Variants in DYSF observed in about 807,000 individuals in gnomAD.
DYSF encodes the protein dystrophy-associated fer-1-like 1.
A neutral mutation model predicts 274.9 loss-of-function variants in DYSF; 212 were observed. The ratio of observed to expected loss-of-function variants is 0.77; its 90% CI spans 0.69 to 0.86. The LOEUF is 0.86. Among genes scored for constraint, DYSF ranks in the 40% least tolerant of loss-of-function variants. DYSF has a pLI of 0.00. For synonymous variants in DYSF, 1,091 were observed against 1,078.7 expected, an observed-to-expected ratio of 1.01 and a Z score of -0.22; for missense variants, 2,666 against 2,783.2, an observed-to-expected ratio of 0.96 and a Z score of 0.95.
rs556134001 is a variant in DYSF, at chr2:71,600,705, G to A, written c.3760G>A (p.Ala1254Thr). 5.0e-6 allele frequency: 8 copies of A among 1,614,092 alleles called. No homozygotes were observed. In the African/African-American group the frequency reaches 6.7e-5, roughly 13 times the overall value. The change falls in exon 34 of 56, where the codon GCA (alanine) becomes ACA (threonine). Residue 1254 changes from alanine (A) to threonine (T), a missense_variant. Physicochemically the swap from Ala to Thr is moderately conservative, Grantham distance 58. Coordinates refer to ENST00000410020, the MANE Select transcript of DYSF (RefSeq NM_001130987.2). ...TGTCTCTCTACGCTTGGTCTAGGGT[G>A]CAGACGAGTTTATGGGTCGCTGCAT... ...VELYDHDTYGADEFMGRCICQ... is the reference protein window; with the variant it reads ...VELYDHDTYGTDEFMGRCICQ...
chr2:71,513,452 G>C, intron 6 of DYSF, 120 bp downstream of exon 6: 3 of 1,098,262 alleles, frequency 2.7e-6, no homozygotes, highest in Non-Finnish European at 4.0e-6. Context: ...GCAGGACTTG[G>C]CGGGTGGGAG....
chr2:71,598,629 A>C lies in DYSF; in HGVS notation c.3640A>C (p.Asn1214His). The change falls in exon 33 of 56, where the codon AAC becomes CAC. Residue 1214 changes from asparagine to histidine, a missense_variant. Coordinates refer to ENST00000410020, the MANE Select transcript of DYSF (RefSeq NM_001130987.2). ...GACGGTGGTGGTGAAGAACACCCTT[A>C]ACCCCACCTGGGACCAGACGCTCAT... The part of the protein sequence containing the change: ...QKTVVVKNTL[N>H]PTWDQTLIFY... 1 of 1,614,144 alleles carries C rather than the reference A, an allele frequency of 6.2e-7. No individual in the cohort carries two copies.
chr2:71,529,653 T>C (rs992489301), intron 14 of DYSF, among the ~76,000 whole-genome samples: 2 of 152,226 alleles, frequency 1.3e-5, no homozygotes, highest in African/African-American at 4.8e-5. Flanking sequence ...CTTCCCACTT[T>C]GTAATTAGCA....
rs907432340 is a variant in DYSF at position 71,516,064 on chromosome 2, A to AT, written c.889-112dup. 7.3e-6 allele frequency: 8 copies of AT among 1,099,320 alleles called. No homozygotes were observed. In the African/African-American group the frequency reaches 1.2e-4, roughly 17 times the overall value. 68.1% of individuals were successfully genotyped at this position (1,099,320 alleles called of 1,614,324 possible). ...ATCCCCAGAACTGTGCCCAATCCAC[A>AT]TTTTCTGAGGGGACTAAACTGCTAG... On this transcript the variant is annotated intron_variant, in intron 8 of 55. Transcript: ENST00000410020.
At chr2:71,585,526 A>G (rs1210390032) in intron 30 of DYSF, among the ~76,000 whole-genome samples, 3 of 152,180 alleles carry the variant, frequency 2.0e-5, no homozygotes, top group Non-Finnish European at 4.4e-5. Flanking sequence ...TTGCTTTGAG[A>G]GAAATTCCCC....
Position 71,611,542 on chromosome 2 carries a change from T to C in DYSF, c.4137T>C (p.Cys1379=). 1 of 1,613,688 alleles carries C rather than the reference T, an allele frequency of 6.2e-7. No individual in the cohort carries two copies. The highest frequency in any genetic ancestry group is 8.5e-7 in the Non-Finnish European group (1 of 1,179,902). The part of the protein sequence containing the change: ...NISSPSLVVE[C]GGQTVQSCVI... ...CCTCCCCCAGCCTCGTGGTAGAGTG[T>C]GGGGGCCAGACGGTGCAGTCCTGTG... Residue 1379 remains cysteine, a synonymous_variant, in exon 38 of 56, where the codon TGT becomes TGC. Coordinates refer to ENST00000410020, the MANE Select transcript of DYSF (RefSeq NM_001130987.2).
intron 45 of DYSF, among the ~76,000 whole-genome samples, chr2:71,663,283 G>T (rs950230930): frequency 3.9e-5 from 6 of 152,188 alleles, no homozygotes; most frequent in Non-Finnish European, 8.8e-5. Context: ...AGAGCCCCCC[G>T]TGAGCCCTCC....
At chr2:71,531,209 C>A (rs1198051094) in intron 14 of DYSF, among the ~76,000 whole-genome samples, 1 of 152,102 alleles carries the variant, frequency 6.6e-6, no homozygotes, top group Non-Finnish European at 1.5e-5. Flanking sequence ...GAGAGAATTA[C>A]TGATAACATT....
intron 32 of DYSF, among the ~76,000 whole-genome samples, chr2:71,597,749 A>G (rs1044864662): frequency 1.3e-5 from 2 of 152,150 alleles, no homozygotes; most frequent in Non-Finnish European, 2.9e-5. Flanking sequence ...GGTAGCAGGG[A>G]GCTGCAGGGG....
chr2:71,621,804 T>C (rs929382092), intron 41 of DYSF, among the ~76,000 whole-genome samples: 7 of 151,912 alleles, frequency 4.6e-5, no homozygotes, highest in African/African-American at 1.7e-4. Context: ...GGACTACAGG[T>C]GCGCAACACC....
In DYSF at chr2:71,630,843, T is replaced by C. The variant is rs180689222; in HGVS notation, c.4527+10234T>C. On this transcript the variant is annotated intron_variant, in intron 41 of 55. Transcript: ENST00000410020. ...TGTCAGTGTTTACTCCTTACTCCTG[T>C]TTGCCTGTTCTTCAGGCCTGATTAG... Among the ~76,000 whole-genome samples, 322 of 152,382 alleles carry C rather than the reference T, an allele frequency of 2.1e-3. 2 individuals carry two copies. The highest frequency in any genetic ancestry group is 3.5e-3 in the Non-Finnish European group (235 of 68,040).
intron 42 of DYSF, among the ~76,000 whole-genome samples, chr2:71,651,756 A>G (rs2152931910): frequency 6.6e-6 from 1 of 152,330 alleles, no homozygotes; most frequent in East Asian, 1.9e-4. Flanking sequence ...AAAATCTTAG[A>G]GAAATAATAG....
At position 71,667,543 on chromosome 2, in the gene DYSF, G is replaced by A. The variant is rs200381854; in HGVS notation, c.5457+28G>A. On this transcript the variant is annotated intron_variant, in intron 48 of 55. Transcript: ENST00000410020. ...AGGACCTTGACCCTTGGGTCCCAGA[G>A]TCCTCGAACTCCAGAAAGCCCCAAC... The A allele has an allele frequency of 1.6e-4, 266 of 1,613,662 alleles. 1 individual carries two copies. In the African/African-American group the frequency reaches 2.9e-3, roughly 18 times the overall value.
chr2:71,553,019 T>C lies in DYSF; in HGVS notation c.1815T>C (p.Leu605=). ...CTACTCTCTGCTCTCAGAAGTACCT[T>C]AGGAGGCGCAAGTACTCCCTGTTTG... ...ADDILRVEKY[L]RRRKYSLFAA... is the part of the protein sequence containing the mutation. The change falls in exon 20 of 56, where the codon CTT becomes CTC. Residue 605 remains leucine (L), a synonymous_variant. Coordinates refer to ENST00000410020, the MANE Select transcript of DYSF (RefSeq NM_001130987.2). 1 of 1,614,158 alleles carries C rather than the reference T, an allele frequency of 6.2e-7. No individual in the cohort carries two copies. Among genetic ancestry groups the C allele is most frequent in the Non-Finnish European group, 8.5e-7 (1 of 1,180,020 alleles).
At chr2:71,568,106 T>C in intron 25 of DYSF, 24 bp downstream of exon 25, 1 of 1,614,196 alleles carries the variant, frequency 6.2e-7, no homozygotes, top group South Asian at 1.1e-5. Flanking sequence ...AGCCCCCACC[T>C]CTGCCTCCCA....
intron 42 of DYSF, among the ~76,000 whole-genome samples, chr2:71,646,786 T>C (rs1240205727): frequency 6.6e-6 from 1 of 152,218 alleles, no homozygotes; most frequent in African/African-American, 2.4e-5. Context: ...TGACAAGGAC[T>C]CTTAGACTAT....
At chr2:71,675,098 T>A (rs143387134) in intron 52 of DYSF, among the ~76,000 whole-genome samples, 1 of 151,426 alleles carries the variant, frequency 6.6e-6, no homozygotes, top group Non-Finnish European at 1.5e-5. Flanking sequence ...ATGTCCATAA[T>A]AGGCAAATCC....
chr2:71,631,581 A>C (rs367738710), intron 41 of DYSF, among the ~76,000 whole-genome samples: 1 of 152,138 alleles, frequency 6.6e-6, no homozygotes, highest in East Asian at 1.9e-4. Context: ...GCAAATACAA[A>C]TCGCCCATCA....
intron 51 of DYSF, among the ~76,000 whole-genome samples, chr2:71,670,082 G>A (rs975035304): frequency 4.6e-5 from 7 of 152,056 alleles, no homozygotes; most frequent in South Asian, 2.1e-4. Context: ...CACTACCGTG[G>A]TCCCACCCCT....
Sources: gnomAD v4.1 joint callset for allele counts (sites outside exome capture counted in the v4.1 genomes callset) on GRCh38, gnomAD v4.1.1 for gene constraint, MANE v1.5 for transcripts, NCBI Gene and HGNC (gene_info 2026-07-23, HGNC 2026-07-21) for gene names.